Variants in SLC16A2 observed in about 807,000 individuals in gnomAD.
The protein encoded by SLC16A2 is monocarboxylate transporter 8.
Under a neutral mutation model 27.2 loss-of-function variants are expected in SLC16A2, and 3 were observed. The observed-to-expected ratio is 0.11, with a 90% CI of 0.05 to 0.28. SLC16A2 has a LOEUF of 0.28. SLC16A2 is among the 10% of genes least tolerant of loss of function. The pLI, the probability that SLC16A2 is intolerant of heterozygous loss-of-function variation, is 1.00. For synonymous variants in SLC16A2, 202 were observed against 187.8 expected (o/e 1.08, Z -0.62); for missense variants, 295 against 458.5 (o/e 0.64, Z 3.26).
At chrX:74,494,094 G>T (rs1183348605) in intron 1 of SLC16A2, among the ~76,000 whole-genome samples, 1 of 112,173 alleles carries the variant, frequency 8.9e-6, no homozygotes, top group Non-Finnish European at 1.9e-5. Flanking sequence ...AAATGAGGGG[G>T]TGCAGTTGCT....
intron 1 of SLC16A2, among the ~76,000 whole-genome samples, chrX:74,455,501 T>G (rs1315538710): frequency 9.0e-6 from 1 of 111,327 alleles, no homozygotes; most frequent in African/African-American, 3.3e-5. Flanking sequence ...AAAGGCTTGC[T>G]GATGTCCATG....
intron 1 of SLC16A2, among the ~76,000 whole-genome samples, chrX:74,470,358 G>T (rs1929332356): frequency 8.9e-6 from 1 of 112,163 alleles, no homozygotes; most frequent in African/African-American, 3.2e-5. Context: ...TTGCTGGATT[G>T]TACCATAAGA....
chrX:74,486,699 T>C (rs1298739184), intron 1 of SLC16A2, among the ~76,000 whole-genome samples: 13 of 112,151 alleles, frequency 1.2e-4, no homozygotes, highest in African/African-American at 4.2e-4. Flanking sequence ...GATCTAGAAC[T>C]AGAAATACCA....
intron 1 of SLC16A2, chrX:74,473,349 T>G: frequency 1.8e-6 from 1 of 544,118 alleles, no homozygotes; most frequent in Non-Finnish European, 3.3e-6. Context: ...GATCAAAGTT[T>G]CCAGAACCAC....
At chrX:74,446,829 C>G (rs747161091) in intron 1 of SLC16A2, among the ~76,000 whole-genome samples, 2 of 112,163 alleles carry the variant, frequency 1.8e-5, no homozygotes, top group East Asian at 5.6e-4. Context: ...TTAAGCTTAC[C>G]TACCTCTTAT....
chrX:74,456,249 C>T (rs1157571180), intron 1 of SLC16A2, among the ~76,000 whole-genome samples: 2 of 111,428 alleles, frequency 1.8e-5, no homozygotes, highest in East Asian at 2.8e-4. Context: ...TGCTTCCTTG[C>T]GATTGGGCAG....
At chrX:74,514,276 A>G (rs1401296766) in intron 1 of SLC16A2, among the ~76,000 whole-genome samples, 1 of 110,081 alleles carries the variant, frequency 9.1e-6, no homozygotes, top group Non-Finnish European at 1.9e-5. Flanking sequence ...AAAAAAAAAA[A>G]GCTTGATTTG....
rs752814205 is a variant in SLC16A2 at position 74,493,769 on chromosome X, G to A, written c.431-27221G>A. ...ACAGATTTCTCTGACCTTCACAGGA[G>A]GTGCAGGTGCGTGCATTCCCTCTCT... On this transcript the variant is annotated intron_variant, in intron 1 of 5. Coordinates refer to ENST00000587091, the MANE Select transcript of SLC16A2 (RefSeq NM_006517.5). Among the ~76,000 whole-genome samples the A allele has an allele frequency of 2.7e-5, 3 of 111,700 alleles. No individual in the cohort carries two copies. In the East Asian group the frequency reaches 8.5e-4, roughly 32 times the overall value.
intron 1 of SLC16A2, among the ~76,000 whole-genome samples, chrX:74,467,634 G>A (rs1929276641): frequency 8.9e-6 from 1 of 111,885 alleles, no homozygotes; most frequent in Non-Finnish European, 1.9e-5. Flanking sequence ...AGGCAGCTCA[G>A]AAAAGACAAT....
rs145131548 is a variant in SLC16A2 at position 74,493,922 on chromosome X, A to G, written c.431-27068A>G. 6.9e-3 allele frequency among the ~76,000 whole-genome samples: 772 copies of G among 111,515 alleles called. 6 individuals are homozygous for G. Among genetic ancestry groups the G allele is most frequent in the African/African-American group, 0.024 (728 of 30,670 alleles). On this transcript the variant is annotated intron_variant, in intron 1 of 5. Coordinates refer to ENST00000587091, the MANE Select transcript of SLC16A2 (RefSeq NM_006517.5). The stretch of plus-strand genomic sequence containing the variant: ...CCCTGGGCCAGACTCTCAGGCGGGA[A>G]CAAGCCTTCCAGCTGTGAGCTTCTT...
Position 74,448,120 on chromosome X carries a change from C to T in SLC16A2, c.430+26053C>T, listed in dbSNP as rs760297378. On this transcript the variant is annotated intron_variant, in intron 1 of 5. Transcript: ENST00000587091. ...TCATCCATCCCAACGGTTCCCAACC[C>T]TAGCTGACTATCAAAATCATGTAAG... is the stretch of plus-strand genomic sequence containing the variant. Among the ~76,000 whole-genome samples, 3 of 111,372 alleles carry T rather than the reference C, an allele frequency of 2.7e-5. No homozygotes were observed. The Admixed American group carries it at 2.9e-4, about 11-fold the overall frequency.
At chrX:74,455,259 A>G (rs758152769) in intron 1 of SLC16A2, among the ~76,000 whole-genome samples, 61 of 111,715 alleles carry the variant, frequency 5.5e-4, no homozygotes, top group African/African-American at 1.9e-3. Flanking sequence ...ATTAAATACT[A>G]TACGCTTTCA....
intron 1 of SLC16A2, among the ~76,000 whole-genome samples, chrX:74,495,389 C>T (rs1929915081): frequency 9.2e-6 from 1 of 108,330 alleles, no homozygotes; most frequent in Admixed American, 9.9e-5. Flanking sequence ...TTGGCCTCAC[C>T]TCTCCCTCCC....
At chrX:74,458,410 G>A (rs1489005427) in intron 1 of SLC16A2, among the ~76,000 whole-genome samples, 3 of 111,543 alleles carry the variant, frequency 2.7e-5, no homozygotes, top group Non-Finnish European at 5.6e-5. Flanking sequence ...GTGCAATGGC[G>A]TGATCTCAGT....
At chrX:74,495,174 C>T (rs765601737) in intron 1 of SLC16A2, among the ~76,000 whole-genome samples, 2 of 111,839 alleles carry the variant, frequency 1.8e-5, no homozygotes, top group African/African-American at 3.2e-5. Context: ...TGCTGACTGC[C>T]CGAGTGAGGG....
At chrX:74,485,919 C>G (rs1315749942) in intron 1 of SLC16A2, among the ~76,000 whole-genome samples, 1 of 110,624 alleles carries the variant, frequency 9.0e-6, no homozygotes, top group African/African-American at 3.3e-5. Flanking sequence ...CGAGTGAAAG[C>G]TCAGCTCGAG....
chrX:74,508,527 A>G (rs1019901076), intron 1 of SLC16A2, among the ~76,000 whole-genome samples: 14 of 112,412 alleles, frequency 1.2e-4, no homozygotes, highest in African/African-American at 4.5e-4. Flanking sequence ...TTGTTTTTGT[A>G]TATTGACTTT....
intron 1 of SLC16A2, among the ~76,000 whole-genome samples, chrX:74,516,920 A>G (rs904454340): frequency 8.9e-6 from 1 of 111,751 alleles, no homozygotes. Flanking sequence ...TATGCTGGGT[A>G]AAAAAAAGTC....
intron 1 of SLC16A2, chrX:74,473,264 C>T (rs1396665006): frequency 4.5e-6 from 3 of 660,985 alleles, no homozygotes; most frequent in Non-Finnish European, 4.9e-6. Context: ...CCACCATAAC[C>T]ACCACCACCA....
Sources: allele counts gnomAD v4.1 joint callset (sites outside exome capture counted in the v4.1 genomes callset), GRCh38; gene constraint gnomAD v4.1.1; transcripts MANE v1.5; gene names NCBI Gene and HGNC (gene_info 2026-07-23, HGNC 2026-07-21).